Variants in ADGRV1 observed in about 807,000 individuals in gnomAD.
ADGRV1 encodes G-protein coupled receptor 98.
In ADGRV1, 359 loss-of-function variants were observed where a neutral mutation model predicts 596.2. The observed-to-expected ratio is 0.60, with a 90% CI of 0.55 to 0.66. The LOEUF is 0.66. Ranked by LOEUF, ADGRV1 falls within the 30% of genes least tolerant of loss-of-function variation. The pLI, the probability that ADGRV1 is intolerant of heterozygous loss-of-function variation, is 0.00. For synonymous variants in ADGRV1, 2,681 were observed against 2,679.2 expected (o/e 1.00, Z -0.02); for missense variants, 7,274 against 7,575.6 (o/e 0.96, Z 1.48).
chr5:91,068,041 A>G (rs1163282195), intron 85 of ADGRV1, among the ~76,000 whole-genome samples: 3 of 152,236 alleles, frequency 2.0e-5, no homozygotes, highest in Non-Finnish European at 4.4e-5. Context: ...ATTAAATTCT[A>G]AAAGCCAAGA....
At chr5:90,656,339 G>A (rs1362160171) in intron 20 of ADGRV1, among the ~76,000 whole-genome samples, 3 of 152,194 alleles carry the variant, frequency 2.0e-5, no homozygotes, top group Non-Finnish European at 4.4e-5. Flanking sequence ...GCAAGTAACA[G>A]AGGAACCAAG....
chr5:90,592,410 A>G (rs965272187), intron 1 of ADGRV1, among the ~76,000 whole-genome samples: 32 of 152,250 alleles, frequency 2.1e-4, no homozygotes, highest in African/African-American at 7.2e-4. Context: ...GAGCTAAGCT[A>G]TGAGGACGAA....
chr5:90,695,743 A>G (rs1747113864), intron 33 of ADGRV1, among the ~76,000 whole-genome samples: 1 of 152,020 alleles, frequency 6.6e-6, no homozygotes, highest in South Asian at 2.1e-4. Flanking sequence ...AAATATTTTT[A>G]TTATGGTTAT....
chr5:91,127,108 CT>C, intron 87 of ADGRV1, among the ~76,000 whole-genome samples: 1 of 152,286 alleles, frequency 6.6e-6, no homozygotes, highest in East Asian at 1.9e-4. Context: ...GTACCAGACT[CT>C]TTGTAATCTG....
At chr5:90,895,095 A>ATT (rs57345391) in intron 83 of ADGRV1, among the ~76,000 whole-genome samples, 4 of 151,424 alleles carry the variant, frequency 2.6e-5, no homozygotes, top group African/African-American at 9.7e-5. Context: ...TGTCTGGCTA[A>ATT]TTTTTTTTAT....
chr5:90,860,979 A>G (rs1767496666), intron 82 of ADGRV1, among the ~76,000 whole-genome samples: 1 of 152,166 alleles, frequency 6.6e-6, no homozygotes, highest in South Asian at 2.1e-4. Flanking sequence ...TGTAATGTAT[A>G]TATGTAATTT....
At chr5:90,569,373 ATATATATATATATATTTTTTTTTTTT>A (rs1311516017) in intron 1 of ADGRV1, among the ~76,000 whole-genome samples, 1 of 20,364 alleles carries the variant, frequency 4.9e-5, no homozygotes, top group African/African-American at 2.4e-4. Flanking sequence ...ATATATATAT[ATATATATATATATATTTTTTTTTTTT>A]TTTTTTTTTT....
Position 91,092,110 on chromosome 5 carries a change from CT to C in ADGRV1, c.18311-10101del, listed in dbSNP as rs1029147908. On this transcript the variant is annotated intron_variant, in intron 86 of 89. Transcript: ENST00000405460. ...GGAAAATAGAAGATGCTGAGATGTC[CT>C]TTTTTTTGAGATAAAGTCTTGCTCT... Among the ~76,000 whole-genome samples, 170 of 151,778 alleles carry C rather than the reference CT, an allele frequency of 1.1e-3. 1 individual carries two copies. The highest frequency in any genetic ancestry group is 2.7e-4 in the Non-Finnish European group (18 of 67,874).
intron 77 of ADGRV1, 72 bp downstream of exon 77, chr5:90,829,258 G>A (rs1235574484): frequency 1.4e-5 from 16 of 1,162,776 alleles, no homozygotes; most frequent in Non-Finnish European, 1.8e-5. Flanking sequence ...TAATGACATA[G>A]GGAATAATTG....
chr5:90,975,447 C>A (rs910610313), intron 84 of ADGRV1, among the ~76,000 whole-genome samples: 1 of 152,146 alleles, frequency 6.6e-6, no homozygotes, highest in Non-Finnish European at 1.5e-5. Context: ...ACTTGGAACT[C>A]ACCCAAATGT....
chr5:90,789,774 G>A lies in ADGRV1; in HGVS notation c.13966G>A (p.Glu4656Lys). 1 of 1,553,910 alleles carries A rather than the reference G, an allele frequency of 6.4e-7. No individual in the cohort carries two copies. The highest frequency in any genetic ancestry group is 8.7e-7 in the Non-Finnish European group (1 of 1,146,746). ...PETLSKKTYS[E>K]PLALEGPLLI... ...AACTTTGTCTAAGAAGACTTATTCAGAGCCTCTGGCTCTGGAAGGGCCCCT... is the reference window on the plus strand; with the variant it reads ...AACTTTGTCTAAGAAGACTTATTCAAAGCCTCTGGCTCTGGAAGGGCCCCT... The change falls in exon 69 of 90, where the codon GAG becomes AAG. Residue 4656 changes from glutamate to lysine, a missense_variant. Coordinates refer to ENST00000405460, the MANE Select transcript of ADGRV1 (RefSeq NM_032119.4).
intron 11 of ADGRV1, among the ~76,000 whole-genome samples, chr5:90,638,645 G>A (rs1030855602): frequency 2.0e-5 from 3 of 151,700 alleles, no homozygotes; most frequent in Non-Finnish European, 2.9e-5. Flanking sequence ...CCTAACACAA[G>A]TCTCTTTATA....
chr5:90,756,706 C>A, intron 56 of ADGRV1, 76 bp downstream of exon 56: 2 of 1,207,418 alleles, frequency 1.7e-6, no homozygotes, highest in Non-Finnish European at 2.3e-6. Flanking sequence ...TTATGTTTAG[C>A]TTTGCCTGTA....
rs888298555 is a variant in ADGRV1 at position 91,087,187 on chromosome 5, T to A, written c.18310+14583T>A. 2.0e-5 allele frequency among the ~76,000 whole-genome samples: 3 copies of A among 152,242 alleles called. No individual in the cohort carries two copies. The East Asian group carries it at 5.8e-4, about 29-fold the overall frequency. On this transcript the variant is annotated intron_variant, in intron 86 of 89. Transcript: ENST00000405460. ...GAACCTCTTGTTTTCCCTGAATTTTTATGTAACTTTTATAAATCTCTCTTA... is the reference window on the plus strand; with the variant it reads ...GAACCTCTTGTTTTCCCTGAATTTTAATGTAACTTTTATAAATCTCTCTTA...
chr5:91,070,009 A>G (rs1050841845), intron 85 of ADGRV1, among the ~76,000 whole-genome samples: 1 of 152,140 alleles, frequency 6.6e-6, no homozygotes, highest in African/African-American at 2.4e-5. Context: ...ACATAGGAAC[A>G]AAAAACCAAA....
Position 90,679,636 on chromosome 5 carries a change from A to G in ADGRV1, c.5524+7A>G. 1.2e-6 allele frequency: 2 copies of G among 1,602,606 alleles called. No individual in the cohort carries two copies. The highest frequency in any genetic ancestry group is 1.7e-6 in the Non-Finnish European group (2 of 1,169,966). On this transcript the variant is annotated splice_region_variant and intron_variant, in intron 26 of 89. Coordinates refer to ENST00000405460, the MANE Select transcript of ADGRV1 (RefSeq NM_032119.4). Reference sequence around the variant, plus strand: ...CCAACTATTCACAAACGTGGTAAGCAGTTTTTCCAAGGTCCTTTACTATTA... The same window carrying G: ...CCAACTATTCACAAACGTGGTAAGCGGTTTTTCCAAGGTCCTTTACTATTA...
At chr5:90,775,178 A>T (rs908618261) in intron 60 of ADGRV1, among the ~76,000 whole-genome samples, 1 of 152,182 alleles carries the variant, frequency 6.6e-6, no homozygotes, top group Non-Finnish European at 1.5e-5. Context: ...CTTTTTTGCC[A>T]TCAAGAACTC....
Position 90,652,358 on chromosome 5 carries a change from C to T in ADGRV1, c.3429C>T (p.His1143=), listed in dbSNP as rs758440519. 6.3e-7 allele frequency: 1 copy of T among 1,591,198 alleles called. No homozygotes were observed. Among genetic ancestry groups the T allele is most frequent in the Non-Finnish European group, 8.5e-7 (1 of 1,169,974 alleles). The change falls in exon 19 of 90, where the codon CAC becomes CAT. Residue 1143 remains histidine (H), a synonymous_variant. Transcript: ENST00000405460. The part of the protein sequence containing the change: ...GKTNAFWILR[H]RGYFGSVSVS... ...ATTTATTTTGTAGGATTTTGAGGCA[C>T]CGAGGATACTTTGGTAGTGTTTCTG...
chr5:90,988,815 G>A (rs1208021795), intron 85 of ADGRV1, among the ~76,000 whole-genome samples: 15 of 109,298 alleles, frequency 1.4e-4, no homozygotes, highest in African/African-American at 3.4e-4. Context: ...AACAGGCCCC[G>A]GTGTGTGATG....
Sources: allele counts gnomAD v4.1 joint callset (sites outside exome capture counted in the v4.1 genomes callset), GRCh38; gene constraint gnomAD v4.1.1; transcripts MANE v1.5; gene names NCBI Gene and HGNC (gene_info 2026-07-23, HGNC 2026-07-21).